Variants in C21orf58 observed in about 807,000 individuals in gnomAD.
C21orf58 encodes uncharacterized protein C21orf58.
In C21orf58, 34 loss-of-function variants were observed where a neutral mutation model predicts 35.8. The observed-to-expected ratio is 0.95, with a 90% CI of 0.72 to 1.26. The LOEUF (loss-of-function observed/expected upper bound fraction) is 1.26, where lower values mean the gene tolerates loss of function less well. Ranked by LOEUF, C21orf58 falls within the 50% of genes most tolerant of loss-of-function variation. C21orf58 has a pLI of 0.00. For synonymous variants in C21orf58, 191 were observed against 175.8 expected (o/e 1.09, Z -0.68); for missense variants, 440 against 414.3 (o/e 1.06, Z -0.54).
intron 2 of C21orf58, 161 bp from the exon 3 acceptor site, chr21:46,317,429 T>C: frequency 8.0e-7 from 1 of 1,242,352 alleles, no homozygotes; most frequent in Non-Finnish European, 1.1e-6. Flanking sequence ...TCCGAGGATC[T>C]CCCTGAGCTG....
In C21orf58 at chr21:46,323,805, G is replaced by A; in HGVS notation, c.-1067C>T. ...GCCGCCCGCGCCTGCAGGGAGCCCG[G>A]CCCGCTGTCCTGGTGGACACAAAGC... is the stretch of plus-strand genomic sequence containing the variant. On this transcript the variant is annotated 5_prime_UTR_variant, in exon 1 of 8. Transcript: ENST00000291691. 1 of 309,674 alleles carries A rather than the reference G, an allele frequency of 3.2e-6. No individual in the cohort carries two copies. 19.2% of individuals were successfully genotyped at this position (309,674 alleles called of 1,614,324 possible).
In C21orf58 at chr21:46,311,454, A is replaced by G. The variant is rs1171458519; in HGVS notation, c.721+2T>C. ...ACAACAATATGAATATGGAACACTT[A>G]CCTTCCTTAATACTTCCTGACCGTT... On this transcript the variant is annotated splice_donor_variant, in intron 6 of 7. Transcript: ENST00000291691. LOFTEE classifies it high-confidence loss of function. The G allele has an allele frequency of 1.9e-6, 3 of 1,543,664 alleles. No individual in the cohort carries two copies. The highest frequency in any genetic ancestry group is 2.3e-5 in the East Asian group (1 of 44,168).
At chr21:46,313,488 AC>A (rs1396588227) in intron 5 of C21orf58, among the ~76,000 whole-genome samples, 3 of 152,128 alleles carry the variant, frequency 2.0e-5, no homozygotes, top group Admixed American at 6.6e-5. Flanking sequence ...CATCTTAGTG[AC>A]CCACAGCCCC....
intron 6 of C21orf58, among the ~76,000 whole-genome samples, chr21:46,307,989 G>A (rs1205039316): frequency 6.6e-6 from 1 of 151,924 alleles, no homozygotes; most frequent in African/African-American, 2.4e-5. Flanking sequence ...TAACAGTTTG[G>A]CAGTTTCTTT....
rs753899952 is a variant in C21orf58 at position 46,302,552 on chromosome 21, T to TGCA, written c.743_745dup (p.Leu248dup). Reference sequence around the variant, plus strand: ...GACCAACTGGTGCACCTGTGCGTTCTGCAGCAGCAGCAGCTCCACCATGTC... The same window carrying TGCA: ...GACCAACTGGTGCACCTGTGCGTTCTGCAGCAGCAGCAGCAGCTCCACCATGTC... On this transcript the variant is annotated inframe_insertion, in exon 7 of 8. Coordinates refer to ENST00000291691, the MANE Select transcript of C21orf58 (RefSeq NM_058180.5). 226 of 1,612,404 alleles carry TGCA rather than the reference T, an allele frequency of 1.4e-4. 2 individuals carry two copies. The Middle Eastern group carries it at 1.5e-3, about 11-fold the overall frequency.
At chr21:46,313,134 CTT>C (rs768346683) in intron 5 of C21orf58, 9 of 868,432 alleles carry the variant, frequency 1.0e-5, no homozygotes, top group African/African-American at 1.8e-5. Context: ...ACCGTCAGCT[CTT>C]GAGTTGGCCA....
At position 46,302,038 on chromosome 21, in the gene C21orf58, G is replaced by A; in HGVS notation, c.930C>T (p.Leu310=). The change falls in exon 8 of 8, where the codon CTC becomes CTT. Residue 310 remains leucine (L), a synonymous_variant. Coordinates refer to ENST00000291691, the MANE Select transcript of C21orf58 (RefSeq NM_058180.5). ...AVWPPGAATV[L]QPAPSLWTPG... Reference sequence around the variant, plus strand: ...GCGTCCACAGGCTGGGGGCGGGCTGGAGGACAGTGGCAGCCCCAGGTGGCC... The same window carrying A: ...GCGTCCACAGGCTGGGGGCGGGCTGAAGGACAGTGGCAGCCCCAGGTGGCC... The A allele has an allele frequency of 6.5e-7, 1 of 1,528,268 alleles. No homozygotes were observed. Among genetic ancestry groups the A allele is most frequent in the South Asian group, 1.2e-5 (1 of 81,984 alleles). 94.7% of individuals were successfully genotyped at this position (1,528,268 alleles called of 1,614,324 possible). A position where few individuals can be genotyped will look rare whatever the true frequency, so the allele number is the denominator to read the frequency against.
intron 1 of C21orf58, among the ~76,000 whole-genome samples, chr21:46,321,389 T>A (rs1054051382): frequency 8.5e-5 from 13 of 152,160 alleles, no homozygotes; most frequent in African/African-American, 3.1e-4. Context: ...AATGAACCAA[T>A]ATTGAGACAC....
intron 3 of C21orf58, among the ~76,000 whole-genome samples, chr21:46,316,285 T>G (rs927899298): frequency 1.3e-5 from 2 of 151,986 alleles, no homozygotes; most frequent in Non-Finnish European, 2.9e-5. Context: ...GCAAAACCCC[T>G]TCTCTACTAA....
chr21:46,322,826 T>C lies in C21orf58; in HGVS notation c.-88A>G. On this transcript the variant is annotated 5_prime_UTR_variant, in exon 1 of 8. Transcript: ENST00000291691. ...GATTCCAGGGCTTCCTGAGGGCGCG[T>C]TTAAGTTGCAGTTGCTGAGGAGGCT... is the stretch of plus-strand genomic sequence containing the variant. 3 of 921,766 alleles carry C rather than the reference T, an allele frequency of 3.3e-6. No homozygotes were observed. Among genetic ancestry groups the C allele is most frequent in the Non-Finnish European group, 4.5e-6 (3 of 665,308 alleles). The allele number at this position is 921,766 out of a possible 1,614,324, so 57.1% of individuals were successfully genotyped here.
chr21:46,301,170 C>T lies in C21orf58; in HGVS notation c.*829G>A. On this transcript the variant is annotated 3_prime_UTR_variant, in exon 8 of 8. Coordinates refer to ENST00000291691, the MANE Select transcript of C21orf58 (RefSeq NM_058180.5). ...TTTTATTTTATTTTTGAGACAGGGG[C>T]CTGCTCTGTGGTCCAGGCTATAGTG... 11 of 783,394 alleles carry T rather than the reference C, an allele frequency of 1.4e-5. 1 individual carries two copies. Among genetic ancestry groups the T allele is most frequent in the Non-Finnish European group, 1.7e-5 (11 of 643,380 alleles). The allele number at this position is 783,394 out of a possible 1,614,324, so 48.5% of individuals were successfully genotyped here.
At position 46,301,898 on chromosome 21, in the gene C21orf58, A is replaced by C. The variant is rs1049798301; in HGVS notation, c.*101T>G. ...TCGCGTAGCCACTCCGGGTGGTGGC[A>C]GGGTCTCTCCCTGCTCCCTTCCATA... On this transcript the variant is annotated 3_prime_UTR_variant, in exon 8 of 8. Coordinates refer to ENST00000291691, the MANE Select transcript of C21orf58 (RefSeq NM_058180.5). 2.2e-6 allele frequency: 3 copies of C among 1,338,318 alleles called. No individual in the cohort carries two copies. The East Asian group carries it at 9.0e-5, about 40-fold the overall frequency. 82.9% of individuals were successfully genotyped at this position (1,338,318 alleles called of 1,614,324 possible). A position where few individuals can be genotyped will look rare whatever the true frequency, so the allele number is the denominator to read the frequency against.
At position 46,323,815 on chromosome 21, in the gene C21orf58, C is replaced by T. The variant is rs1247727611; in HGVS notation, c.-1077G>A. Reference sequence around the variant, plus strand: ...CCTGCAGGGAGCCCGGCCCGCTGTCCTGGTGGACACAAAGCCCAGGGGCCG... The same window carrying T: ...CCTGCAGGGAGCCCGGCCCGCTGTCTTGGTGGACACAAAGCCCAGGGGCCG... On this transcript the variant is annotated 5_prime_UTR_variant, in exon 1 of 8. Transcript: ENST00000291691. 1.2e-5 allele frequency: 4 copies of T among 335,104 alleles called. No homozygotes were observed. The highest frequency in any genetic ancestry group is 2.5e-5 in the South Asian group (1 of 40,460). 20.8% of individuals were successfully genotyped at this position (335,104 alleles called of 1,614,324 possible).
chr21:46,306,197 A>G (rs1414073959), intron 6 of C21orf58, among the ~76,000 whole-genome samples: 1 of 152,102 alleles, frequency 6.6e-6, no homozygotes, highest in Non-Finnish European at 1.5e-5. Context: ...TTGAATATGC[A>G]GCAAAACTTG....
chr21:46,317,066 C>T (rs975068056), intron 3 of C21orf58, 142 bp downstream of exon 3: 25 of 673,958 alleles, frequency 3.7e-5, no homozygotes, highest in African/African-American at 7.2e-5. Flanking sequence ...AAAGGAAAAG[C>T]GTTGAGGACA....
intron 6 of C21orf58, 25 bp downstream of exon 6, chr21:46,311,431 A>C: frequency 2.1e-6 from 3 of 1,406,854 alleles, no homozygotes; most frequent in Non-Finnish European, 2.9e-6. Flanking sequence ...CTCAACCCAC[A>C]ACAATATGAA....
chr21:46,306,711 C>A (rs963143927), intron 6 of C21orf58, among the ~76,000 whole-genome samples: 1 of 152,018 alleles, frequency 6.6e-6, no homozygotes, highest in East Asian at 1.9e-4. Context: ...CCTCAGCCTC[C>A]CAAGTAGCTA....
chr21:46,302,184 G>A (rs968403837), intron 7 of C21orf58, 30 bp from the exon 8 acceptor site: 55 of 1,444,204 alleles, frequency 3.8e-5, no homozygotes, highest in Non-Finnish European at 4.6e-5. Context: ...TGCTTAGGAC[G>A]CAGCCCAGGC....
chr21:46,315,124 C>T, intron 4 of C21orf58: 2 of 1,129,686 alleles, frequency 1.8e-6, no homozygotes, highest in East Asian at 2.6e-5. Context: ...TTCTCTCTTT[C>T]AAGCCAGTTC....
Sources: allele counts gnomAD v4.1 joint callset (sites outside exome capture counted in the v4.1 genomes callset), GRCh38; gene constraint gnomAD v4.1.1; transcripts MANE v1.5; gene names NCBI Gene and HGNC (gene_info 2026-07-23, HGNC 2026-07-21).